Variants in GLCCI1 observed in about 807,000 individuals in gnomAD.
GLCCI1 encodes the protein glucocorticoid induced 1.
A neutral mutation model predicts 52.2 loss-of-function variants in GLCCI1; 24 were observed. The observed-to-expected ratio is 0.46, with a 90% CI of 0.33 to 0.65. GLCCI1 has a LOEUF of 0.65. Ranked by LOEUF, GLCCI1 falls within the 30% of genes least tolerant of loss-of-function variation. The probability of loss-of-function intolerance (pLI) is 0.02; values close to 1 mark genes in which losing one functional copy is unlikely to be tolerated. For synonymous variants in GLCCI1, 310 were observed against 276.5 expected, an observed-to-expected ratio of 1.12 and a Z score of -1.20; for missense variants, 704 against 701.5, an observed-to-expected ratio of 1.00 and a Z score of -0.04.
At chr7:8,008,611 A>G (rs1027098921) in intron 2 of GLCCI1, among the ~76,000 whole-genome samples, 1 of 152,242 alleles carries the variant, frequency 6.6e-6, no homozygotes, top group East Asian at 1.9e-4. Flanking sequence ...ATATGTCTTA[A>G]TAGAAGTTTG....
chr7:8,053,005 A>ATTATTTATTTAT (rs60377934), intron 3 of GLCCI1, among the ~76,000 whole-genome samples: 342 of 147,222 alleles, frequency 2.3e-3, no homozygotes, highest in East Asian at 6.8e-3. Flanking sequence ...TTGGTTTTGT[A>ATTATTTATTTAT]TTATTTATTT....
intron 2 of GLCCI1, among the ~76,000 whole-genome samples, chr7:8,013,924 T>A (rs931128744): frequency 6.6e-6 from 1 of 152,192 alleles, no homozygotes; most frequent in Non-Finnish European, 1.5e-5. Flanking sequence ...GTGTCCTCTT[T>A]TGGAATTGCA....
chr7:8,082,896 A>T (rs1038653781), intron 6 of GLCCI1, among the ~76,000 whole-genome samples: 1 of 152,226 alleles, frequency 6.6e-6, no homozygotes, highest in African/African-American at 2.4e-5. Context: ...AAAGAATGTG[A>T]TAGGCCTGAT....
chr7:7,974,071 T>C (rs1780415449), intron 1 of GLCCI1, among the ~76,000 whole-genome samples: 1 of 152,092 alleles, frequency 6.6e-6, no homozygotes, highest in Admixed American at 6.5e-5. Context: ...ACATTAATGT[T>C]TTAGCTTTTT....
At chr7:8,000,238 A>G (rs947123197) in intron 1 of GLCCI1, among the ~76,000 whole-genome samples, 2 of 152,242 alleles carry the variant, frequency 1.3e-5, no homozygotes, top group Non-Finnish European at 1.5e-5. Flanking sequence ...TATAAATCAG[A>G]TAATGGGAGA....
Position 8,060,087 on chromosome 7 carries a change from A to G in GLCCI1, c.814-9A>G, listed in dbSNP as rs1265462252. 1.2e-6 allele frequency: 2 copies of G among 1,604,040 alleles called. No individual in the cohort carries two copies. Among genetic ancestry groups the G allele is most frequent in the African/African-American group, 1.3e-5 (1 of 74,358 alleles). On this transcript the variant is annotated splice_polypyrimidine_tract_variant and intron_variant, in intron 4 of 7. Coordinates refer to ENST00000223145, the MANE Select transcript of GLCCI1 (RefSeq NM_138426.4). ...AATAATTTGATACCACCTTTATCTT[A>G]TCTCATAGGCTACTGGATCAAGGTC...
At chr7:8,062,008 C>T (rs1447356597) in intron 5 of GLCCI1, among the ~76,000 whole-genome samples, 1 of 152,054 alleles carries the variant, frequency 6.6e-6, no homozygotes, top group Non-Finnish European at 1.5e-5. Context: ...AGTTTAAGAA[C>T]AGTCATGTAA....
At chr7:8,081,759 T>C (rs190123748) in intron 6 of GLCCI1, among the ~76,000 whole-genome samples, 135 of 152,334 alleles carry the variant, frequency 8.9e-4, no homozygotes, top group African/African-American at 3.1e-3. Flanking sequence ...AAGCTACTCG[T>C]ATTTTAATGG....
chr7:8,084,800 G>T, intron 6 of GLCCI1, 97 bp from the exon 7 acceptor site: 2 of 1,179,124 alleles, frequency 1.7e-6, no homozygotes, highest in Non-Finnish European at 2.5e-6. Context: ...AAGCATAGGG[G>T]CAGTAGTGGA....
chr7:8,074,693 G>T (rs1273746163), intron 6 of GLCCI1, among the ~76,000 whole-genome samples: 1 of 152,060 alleles, frequency 6.6e-6, no homozygotes, highest in Non-Finnish European at 1.5e-5. Context: ...TCAAAAAAAA[G>T]ATACTAATTC....
intron 3 of GLCCI1, among the ~76,000 whole-genome samples, chr7:8,048,317 C>G (rs1029064670): frequency 6.6e-6 from 1 of 152,076 alleles, no homozygotes; most frequent in Non-Finnish European, 1.5e-5. Flanking sequence ...TCTATTTCCT[C>G]TTCTTGGTGG....
At chr7:8,022,348 ACT>A (rs1465037439) in intron 2 of GLCCI1, 133 bp from the exon 3 acceptor site, 8 of 346,784 alleles carry the variant, frequency 2.3e-5, no homozygotes, top group East Asian at 1.7e-4. Context: ...GGGTCACAAA[ACT>A]CTTAGCGTTT....
At chr7:8,002,263 C>G (rs946804880) in intron 1 of GLCCI1, among the ~76,000 whole-genome samples, 1 of 124,564 alleles carries the variant, frequency 8.0e-6, no homozygotes, top group African/African-American at 3.0e-5. Context: ...ATAATTATTC[C>G]TATATTCTAT....
At chr7:8,010,760 T>G (rs1781247448) in intron 2 of GLCCI1, among the ~76,000 whole-genome samples, 1 of 152,174 alleles carries the variant, frequency 6.6e-6, no homozygotes, top group African/African-American at 2.4e-5. Flanking sequence ...TAACAGGTTT[T>G]TGGGGGACAC....
intron 6 of GLCCI1, among the ~76,000 whole-genome samples, chr7:8,081,830 A>G (rs1047056882): frequency 3.9e-5 from 6 of 152,186 alleles, no homozygotes; most frequent in African/African-American, 1.2e-4. Context: ...ATTTTTCCAT[A>G]TTCTTGATTT....
chr7:8,010,129 C>A (rs1781235918), intron 2 of GLCCI1, among the ~76,000 whole-genome samples: 1 of 152,114 alleles, frequency 6.6e-6, no homozygotes, highest in Non-Finnish European at 1.5e-5. Flanking sequence ...AAAACAGCCC[C>A]TGGAACAGGC....
intron 5 of GLCCI1, among the ~76,000 whole-genome samples, chr7:8,069,552 G>A (rs1481599139): frequency 3.3e-5 from 5 of 152,130 alleles, no homozygotes; most frequent in Admixed American, 6.5e-5. Flanking sequence ...GAGCCCCACC[G>A]GGTGAAAGGT....
chr7:8,086,435 G>A lies in GLCCI1; in HGVS notation c.1541G>A (p.Gly514Asp), dbSNP rs1306083229. The part of the protein sequence containing the change: ...TSLSDDTSTA[G>D]SMEASVQQPS... The stretch of plus-strand genomic sequence containing the variant: ...CTTTCTGATGACACCAGCACAGCGG[G>A]CTCCATGGAGGCCTCTGTCCAGCAG... The change falls in exon 8 of 8, where the codon GGC becomes GAC. Residue 514 changes from glycine (G) to aspartate (D), a missense_variant. Physicochemically the swap from Gly to Asp is moderately conservative, Grantham distance 94 (BLOSUM62 -1). Transcript: ENST00000223145. The surrounding 1 kb of genome is among the most constrained non-coding windows in gnomAD (Gnocchi z 4.4). The A allele has an allele frequency of 4.3e-6, 7 of 1,614,004 alleles. No individual in the cohort carries two copies. The East Asian group carries it at 1.1e-4, about 26-fold the overall frequency.
chr7:7,985,197 T>G (rs1175524620), intron 1 of GLCCI1, among the ~76,000 whole-genome samples: 1 of 152,084 alleles, frequency 6.6e-6, no homozygotes, highest in East Asian at 1.9e-4. Context: ...TTTTCGTATA[T>G]ACTTAAGGAC....
Sources: allele counts gnomAD v4.1 joint callset (sites outside exome capture counted in the v4.1 genomes callset), GRCh38; gene constraint gnomAD v4.1.1; non-coding constraint Gnocchi (gnomAD v3.1); transcripts MANE v1.5; gene names NCBI Gene and HGNC (gene_info 2026-07-23, HGNC 2026-07-21).